Variants in PCDHGB1 observed in about 807,000 individuals in gnomAD.
PCDHGB1 encodes the protein protocadherin gamma subfamily B, 1, also known as protocadherin gamma-B1.
PCDHGB1 carries 34 observed loss-of-function variants against 56.6 expected under a neutral mutation model. That is an observed-to-expected ratio of 0.60 (90% CI 0.46 to 0.80). The LOEUF (loss-of-function observed/expected upper bound fraction) is 0.80. Ranked by LOEUF, PCDHGB1 falls within the 30% of genes least tolerant of loss-of-function variation. PCDHGB1 has a pLI of 0.00. For missense variants in PCDHGB1, 1,278 were observed against 1,204.6 expected, an observed-to-expected ratio of 1.06 and a Z score of -0.90; for synonymous variants, 561 against 505.9, an observed-to-expected ratio of 1.11 and a Z score of -1.46.
intron 1 of PCDHGB1, among the ~76,000 whole-genome samples, chr5:141,449,229 A>G (rs1356585763): frequency 1.3e-5 from 2 of 152,142 alleles, no homozygotes; most frequent in South Asian, 2.1e-4. Context: ...AATGATTTCA[A>G]ATTTTCAAAG....
rs769801850 is a variant in PCDHGB1 at position 141,371,052 on chromosome 5, C to G, written c.2409+18383C>G. On this transcript the variant is annotated intron_variant, in intron 1 of 3. Coordinates refer to ENST00000523390, the MANE Select transcript of PCDHGB1 (RefSeq NM_018922.3). The stretch of plus-strand genomic sequence containing the variant: ...CCTCACAGCTGTGGATGGGGGCGAG[C>G]CCTCCAGAAGCTGTACCACCCAGAT... 6.0e-5 allele frequency: 97 copies of G among 1,613,842 alleles called. No individual in the cohort carries two copies. The South Asian group carries it at 1.1e-3, about 18-fold the overall frequency.
At chr5:141,418,499 G>A (rs775606988) in intron 1 of PCDHGB1, 1 of 1,613,962 alleles carries the variant, frequency 6.2e-7, no homozygotes, top group Non-Finnish European at 8.5e-7. Context: ...GGTACTGACC[G>A]CCTTAGATGG....
intron 1 of PCDHGB1, among the ~76,000 whole-genome samples, chr5:141,407,629 G>A (rs1025838649): frequency 1.3e-5 from 2 of 151,940 alleles, no homozygotes; most frequent in African/African-American, 4.8e-5. Context: ...TCTATATCTC[G>A]TATTACTTAA....
Position 141,487,070 on chromosome 5 carries a change from C to T in PCDHGB1, c.2410-7737C>T. ...TGCTGGGGAGGTGCGGACGGCTGTT[C>T]CTATCCCAGCTGACCTCCCACCACA... On this transcript the variant is annotated intron_variant, in intron 1 of 3. Coordinates refer to ENST00000523390, the MANE Select transcript of PCDHGB1 (RefSeq NM_018922.3). This position sits in a 1 kb window ranked among gnomAD's most constrained non-coding sequence, Gnocchi z 5.0. The T allele has an allele frequency of 6.2e-7, 1 of 1,614,154 alleles. No homozygotes were observed. Among genetic ancestry groups the T allele is most frequent in the Non-Finnish European group, 8.5e-7 (1 of 1,180,008 alleles).
chr5:141,406,257 C>T (rs1180988990), intron 1 of PCDHGB1, among the ~76,000 whole-genome samples: 1 of 151,898 alleles, frequency 6.6e-6, no homozygotes, highest in African/African-American at 2.4e-5. Context: ...TGGTCTCAAA[C>T]GATCTTCCTG....
At position 141,486,272 on chromosome 5, in the gene PCDHGB1, A is replaced by C. The variant is rs2099627166; in HGVS notation, c.2410-8535A>C. On this transcript the variant is annotated intron_variant, in intron 1 of 3. Transcript: ENST00000523390. The surrounding 1 kb of genome is among the most constrained non-coding windows in gnomAD (Gnocchi z 5.0). ...CCTCCCCGAGAGTGCAGAACCTGGC[A>C]CTGTGGTGGCACTTATCAGTGTGCA... 1 of 1,613,886 alleles carries C rather than the reference A, an allele frequency of 6.2e-7. No individual in the cohort carries two copies. Among genetic ancestry groups the C allele is most frequent in the Non-Finnish European group, 8.5e-7 (1 of 1,179,986 alleles).
chr5:141,357,669 G>C, intron 1 of PCDHGB1: 2 of 1,597,474 alleles, frequency 1.3e-6, no homozygotes, highest in Non-Finnish European at 1.7e-6. Flanking sequence ...TATAGACAAA[G>C]AGTTGTGTAA....
In PCDHGB1 at chr5:141,351,794, G is replaced by A. The variant is rs762711142; in HGVS notation, c.1534G>A (p.Ala512Thr). The change falls in exon 1 of 4, where the codon GCG (alanine) becomes ACG (threonine). Residue 512 changes from alanine (A) to threonine (T), a missense_variant. Coordinates refer to ENST00000523390, the MANE Select transcript of PCDHGB1 (RefSeq NM_018922.3). ...GAGCCCGCAGAGCGGGGTGGTGTTC[G>A]CGCAGCGCGCCTTCGACCACGAGCA... Reference protein sequence around the residue: ...SVSPQSGVVFAQRAFDHEQLR... With the variant: ...SVSPQSGVVFTQRAFDHEQLR... 35 of 1,613,242 alleles carry A rather than the reference G, an allele frequency of 2.2e-5. No individual in the cohort carries two copies. In the South Asian group the frequency reaches 3.8e-4, roughly 18 times the overall value.
At chr5:141,419,192 G>C (rs772847766) in intron 1 of PCDHGB1, 2 of 1,613,934 alleles carry the variant, frequency 1.2e-6, no homozygotes, top group Admixed American at 1.7e-5. Context: ...CATTACTGAC[G>C]TCAATGACAA....
At chr5:141,413,460 C>T (rs1561742736) in intron 1 of PCDHGB1, 4 of 1,613,974 alleles carry the variant, frequency 2.5e-6, no homozygotes, top group Middle Eastern at 1.6e-4. Context: ...GCAGGATAGA[C>T]CGGGAGGAGC....
chr5:141,430,090 G>T (rs2097260736), intron 1 of PCDHGB1, among the ~76,000 whole-genome samples: 1 of 152,096 alleles, frequency 6.6e-6, no homozygotes, highest in Non-Finnish European at 1.5e-5. Context: ...ATGAAAATTT[G>T]ATTTTTAAGC....
intron 1 of PCDHGB1, chr5:141,355,027 A>G: frequency 1.0e-6 from 1 of 956,224 alleles, no homozygotes; most frequent in Non-Finnish European, 1.5e-6. Flanking sequence ...AATCAGAATC[A>G]CAAGATTTCT....
Position 141,511,202 on chromosome 5 carries a change from C to A in PCDHGB1, c.*29C>A. On this transcript the variant is annotated 3_prime_UTR_variant, in exon 4 of 4. Transcript: ENST00000523390. ...GGAGGCCAGGCCAAGAGCCACAGGG[C>A]GGCCTCTCCCCAACCAGCCCAGCTT... The A allele has an allele frequency of 6.2e-7, 1 of 1,612,136 alleles. No individual in the cohort carries two copies.
At chr5:141,413,443 A>G (rs2095641277) in intron 1 of PCDHGB1, 1 of 1,613,986 alleles carries the variant, frequency 6.2e-7, no homozygotes, top group Admixed American at 1.7e-5. Context: ...CAGCTTGATC[A>G]CCGCGGGCAG....
At chr5:141,399,376 AC>A (rs1398817003) in intron 1 of PCDHGB1, 1 of 1,613,956 alleles carries the variant, frequency 6.2e-7, no homozygotes, top group Non-Finnish European at 8.5e-7. Flanking sequence ...GTACAATGTC[AC>A]CATCACAGCC....
At chr5:141,394,151 C>T in intron 1 of PCDHGB1, 2 of 1,613,900 alleles carry the variant, frequency 1.2e-6, no homozygotes, top group Non-Finnish European at 1.7e-6. Context: ...CAGACATTAA[C>T]GACAACCCTC....
At position 141,486,315 on chromosome 5, in the gene PCDHGB1, C is replaced by T. The variant is rs1432435944; in HGVS notation, c.2410-8492C>T. The T allele has an allele frequency of 6.2e-7, 1 of 1,614,066 alleles. No individual in the cohort carries two copies. Among genetic ancestry groups the T allele is most frequent in the East Asian group, 2.2e-5 (1 of 44,862 alleles). ...AGTGTGCAGGATCCAGACTCAGGGT[C>T]AAACGGAGATGTGAGCCTCCGCATT... On this transcript the variant is annotated intron_variant, in intron 1 of 3. Transcript: ENST00000523390. The surrounding 1 kb of genome is among the most constrained non-coding windows in gnomAD (Gnocchi z 5.0).
chr5:141,380,851 A>G (rs1341551183), intron 1 of PCDHGB1, among the ~76,000 whole-genome samples: 1 of 152,282 alleles, frequency 6.6e-6, no homozygotes, highest in Admixed American at 6.5e-5. Flanking sequence ...ATGGATCAAG[A>G]CATTGAGAGC....
At chr5:141,504,995 G>A (rs1214858212) in intron 2 of PCDHGB1, among the ~76,000 whole-genome samples, 6 of 151,980 alleles carry the variant, frequency 3.9e-5, no homozygotes, top group African/African-American at 1.5e-4. Context: ...AACCCCGTCT[G>A]TACTAAAAAT....
Sources: gnomAD v4.1 joint callset for allele counts (sites outside exome capture counted in the v4.1 genomes callset) on GRCh38, gnomAD v4.1.1 for gene constraint, Gnocchi (gnomAD v3.1) non-coding constraint, MANE v1.5 for transcripts, NCBI Gene and HGNC (gene_info 2026-07-23, HGNC 2026-07-21) for gene names.